RBFOX3: variants seen among roughly 807,000 people sequenced by gnomAD.
RBFOX3 encodes the protein RNA binding fox-1 homolog 3, also known as RNA binding protein fox-1 homolog 3.
In RBFOX3, 17 loss-of-function variants were observed where a neutral mutation model predicts 48.7. That is an observed-to-expected ratio of 0.35 (90% CI 0.24 to 0.52). The LOEUF (loss-of-function observed/expected upper bound fraction) is 0.52, where lower values mean the gene tolerates loss of function less well. Ranked by LOEUF, RBFOX3 falls within the 20% of genes least tolerant of loss-of-function variation. RBFOX3 has a pLI of 0.94. For missense variants in RBFOX3, 382 were observed against 497.5 expected, an observed-to-expected ratio of 0.77 and a Z score of 2.21; for synonymous variants, 212 against 209.5, an observed-to-expected ratio of 1.01 and a Z score of -0.10.
intron 3 of RBFOX3, among the ~76,000 whole-genome samples, chr17:79,278,578 G>C (rs2069487854): frequency 6.6e-6 from 1 of 152,248 alleles, no homozygotes. Context: ...GTGTGCTGTG[G>C]GCGTGGCCTG....
intron 1 of RBFOX3, chr17:79,601,484 A>C (rs981095847): frequency 6.6e-6 from 1 of 152,228 alleles, no homozygotes; most frequent in African/African-American, 2.4e-5. Context: ...CTGTAATTTT[A>C]GTATATATTA....
chr17:79,144,944 A>C (rs1358574302), intron 4 of RBFOX3, among the ~76,000 whole-genome samples: 3 of 152,106 alleles, frequency 2.0e-5, no homozygotes, highest in African/African-American at 7.2e-5. Context: ...TCCAAAGGAG[A>C]CGAGCGCACC....
chr17:79,124,262 C>T (rs2036560390), intron 4 of RBFOX3, among the ~76,000 whole-genome samples: 1 of 152,214 alleles, frequency 6.6e-6, no homozygotes, highest in African/African-American at 2.4e-5. Flanking sequence ...GGTTGTTAGA[C>T]ATTTACCGGC....
chr17:79,158,830 G>T (rs896091115), intron 4 of RBFOX3, among the ~76,000 whole-genome samples: 1 of 152,210 alleles, frequency 6.6e-6, no homozygotes, highest in African/African-American at 2.4e-5. Flanking sequence ...CTCAGCCCAC[G>T]TGGCAGTCAC....
At chr17:79,149,296 C>T (rs1216509533) in intron 4 of RBFOX3, among the ~76,000 whole-genome samples, 2 of 152,208 alleles carry the variant, frequency 1.3e-5, no homozygotes, top group African/African-American at 4.8e-5. Context: ...GGGACCCCTC[C>T]CTGGCCCGGT....
chr17:79,227,920 C>G (rs182775408), intron 4 of RBFOX3, among the ~76,000 whole-genome samples: 41 of 152,328 alleles, frequency 2.7e-4, no homozygotes, highest in African/African-American at 9.9e-4. Context: ...GCTTTTTAGC[C>G]ACCAACAGCG....
intron 1 of RBFOX3, among the ~76,000 whole-genome samples, chr17:79,592,678 G>A (rs2093456900): frequency 6.6e-6 from 1 of 152,076 alleles, no homozygotes; most frequent in Admixed American, 6.5e-5. Context: ...AGGACTGCGG[G>A]CTCAGGACAC....
intron 4 of RBFOX3, among the ~76,000 whole-genome samples, chr17:79,131,484 C>T (rs1470861209): frequency 1.3e-5 from 2 of 152,236 alleles, no homozygotes; most frequent in Admixed American, 6.5e-5. Context: ...CACCACCACC[C>T]GCAGGAGCCT....
At chr17:79,424,760 TC>T (rs2067061007) in intron 2 of RBFOX3, among the ~76,000 whole-genome samples, 1 of 152,122 alleles carries the variant, frequency 6.6e-6, no homozygotes, top group Non-Finnish European at 1.5e-5. Flanking sequence ...CTCATGTCCT[TC>T]CTGGGGTCAT....
chr17:79,550,158 A>G (rs2090992970), intron 1 of RBFOX3, among the ~76,000 whole-genome samples: 1 of 152,176 alleles, frequency 6.6e-6, no homozygotes, highest in African/African-American at 2.4e-5. Flanking sequence ...TCAGGCAGGA[A>G]CACAGGGACT....
chr17:79,630,805 C>T, the RBFOX3 span, among the ~76,000 whole-genome samples: 2 of 152,254 alleles, frequency 1.3e-5, no homozygotes, highest in Admixed American at 6.5e-5. Context: ...AATAATGCAG[C>T]GGGTCTGCAT....
At chr17:79,135,862 G>C (rs2040064665) in intron 4 of RBFOX3, among the ~76,000 whole-genome samples, 2 of 152,224 alleles carry the variant, frequency 1.3e-5, no homozygotes, top group African/African-American at 4.8e-5. Context: ...TAAGACGCCA[G>C]CCAGGGCTGC....
chr17:79,431,779 C>A (rs1245993609), intron 2 of RBFOX3, among the ~76,000 whole-genome samples: 1 of 152,194 alleles, frequency 6.6e-6, no homozygotes, highest in Non-Finnish European at 1.5e-5. Flanking sequence ...GCCACAGCGC[C>A]CGGCCCACAT....
chr17:79,662,811 G>A, the RBFOX3 span, among the ~76,000 whole-genome samples: 2 of 152,134 alleles, frequency 1.3e-5, no homozygotes, highest in African/African-American at 4.8e-5. Context: ...AGAACCGTGG[G>A]GAAGGCATCT....
intron 4 of RBFOX3, among the ~76,000 whole-genome samples, chr17:79,181,903 C>T (rs1358817636): frequency 6.6e-5 from 10 of 152,036 alleles, no homozygotes; most frequent in African/African-American, 1.4e-4. Context: ...GGGGCACAAA[C>T]GGGTAAGAAC....
chr17:79,150,509 G>A (rs1019671649), intron 4 of RBFOX3, among the ~76,000 whole-genome samples: 1 of 152,180 alleles, frequency 6.6e-6, no homozygotes, highest in Admixed American at 6.5e-5. Context: ...CAAGATAGGA[G>A]GCAGCTGAAC....
intron 2 of RBFOX3, among the ~76,000 whole-genome samples, chr17:79,422,196 AG>A (rs143350033): frequency 0.019 from 2,871 of 152,126 alleles, 96 homozygotes; most frequent in African/African-American, 0.064. Flanking sequence ...ACAGGGAAAC[AG>A]GGGGAGCCAT....
intron 4 of RBFOX3, among the ~76,000 whole-genome samples, chr17:79,130,197 A>C (rs1375255620): frequency 6.6e-6 from 1 of 152,162 alleles, no homozygotes; most frequent in African/African-American, 2.4e-5. Flanking sequence ...TACTTCATTC[A>C]GGGACCATTA....
At chr17:79,565,915 A>G (rs1463506639) in intron 1 of RBFOX3, among the ~76,000 whole-genome samples, 5 of 152,302 alleles carry the variant, frequency 3.3e-5, no homozygotes, top group African/African-American at 1.2e-4. Flanking sequence ...CTGTCTCACC[A>G]TCACAGGCTT....
Sources: allele counts gnomAD v4.1 joint callset (sites outside exome capture counted in the v4.1 genomes callset), GRCh38; gene constraint gnomAD v4.1.1; transcripts MANE v1.5; gene names NCBI Gene and HGNC (gene_info 2026-07-23, HGNC 2026-07-21).